ZCCHC14: variants seen among roughly 807,000 people sequenced by gnomAD.
ZCCHC14 encodes zinc finger CCHC-type containing 14, also known as zinc finger CCHC domain-containing protein 14.
Under a neutral mutation model 85.0 loss-of-function variants are expected in ZCCHC14, and 16 were observed. The observed-to-expected ratio is 0.19, with a 90% CI of 0.13 to 0.29. The LOEUF (loss-of-function observed/expected upper bound fraction) is 0.29, where lower values mean the gene tolerates loss of function less well. ZCCHC14 is among the 10% of genes least tolerant of loss of function. The probability of loss-of-function intolerance (pLI) is 1.00; values close to 1 mark genes in which losing one functional copy is unlikely to be tolerated. For missense variants in ZCCHC14, 1,303 were observed against 1,443.5 expected (o/e 0.90, Z 1.58); for synonymous variants, 775 against 630.7 (o/e 1.23, Z -3.43).
chr16:87,455,821 A>C (rs1188183610), intron 2 of ZCCHC14, among the ~76,000 whole-genome samples: 1 of 152,164 alleles, frequency 6.6e-6, no homozygotes, highest in Non-Finnish European at 1.5e-5. Context: ...TTCAGTACAG[A>C]CTCAATAGAT....
rs538092775 is a variant in ZCCHC14 at position 87,443,777 on chromosome 16, C to T, written c.695-10576G>A. Among the ~76,000 whole-genome samples, 8 of 151,780 alleles carry T rather than the reference C, an allele frequency of 5.3e-5. No homozygotes were observed. In the South Asian group the frequency reaches 1.5e-3, roughly 28 times the overall value. On this transcript the variant is annotated intron_variant, in intron 2 of 12. Coordinates refer to ENST00000671377, the MANE Select transcript of ZCCHC14 (RefSeq NM_015144.3). ...AAAAGCCAGGAGCTGCAGCTCATGCCTATAATCCCAGCACTTTGGGAGGCT... is the reference window on the plus strand; with the variant it reads ...AAAAGCCAGGAGCTGCAGCTCATGCTTATAATCCCAGCACTTTGGGAGGCT...
intron 1 of ZCCHC14, among the ~76,000 whole-genome samples, chr16:87,479,601 G>A (rs773722851): frequency 5.9e-5 from 9 of 152,080 alleles, no homozygotes; most frequent in East Asian, 1.9e-4. Flanking sequence ...AATGAGTAAC[G>A]GTTTTTCAAT....
rs768315452 is a variant in ZCCHC14, at chr16:87,412,635, T to A, written c.2086A>T (p.Met696Leu). 3 of 1,614,104 alleles carry A rather than the reference T, an allele frequency of 1.9e-6. No homozygotes were observed. The highest frequency in any genetic ancestry group is 1.1e-5 in the South Asian group (1 of 91,094). ...MKVDKSFGSA[M>L]MDVLPASAPH... is the part of the protein sequence containing the mutation. ...GCGGACGCGGGCAGCACGTCCATCA[T>A]GGCGCTGCCAAAGCTCTTGTCCACT... Residue 696 changes from methionine to leucine, a missense_variant, in exon 12 of 13, where the codon ATG becomes TTG. Physicochemically the swap from Met to Leu is conservative, Grantham distance 15. Around this residue, in one of 7 missense-constraint regions of ZCCHC14, gnomAD observed 797 missense variants for 730.8 expected, o/e 1.09. Transcript: ENST00000671377.
chr16:87,456,703 A>C (rs528791871), intron 2 of ZCCHC14, among the ~76,000 whole-genome samples: 1 of 152,102 alleles, frequency 6.6e-6, no homozygotes, highest in Non-Finnish European at 1.5e-5. Flanking sequence ...GGGGCACACA[A>C]TGGAAAACAT....
intron 1 of ZCCHC14, chr16:87,472,813 T>G (rs1461692163): frequency 1.3e-5 from 2 of 152,194 alleles, no homozygotes; most frequent in East Asian, 3.9e-4. Context: ...CACAGCTCAG[T>G]GCCATCTCCC....
intron 1 of ZCCHC14, chr16:87,470,375 G>A (rs1371492712): frequency 1.3e-5 from 2 of 152,092 alleles, no homozygotes; most frequent in African/African-American, 4.8e-5. Context: ...GCACATGACA[G>A]CTTGAATAAT....
At chr16:87,469,762 G>T (rs1013228330) in intron 1 of ZCCHC14, among the ~76,000 whole-genome samples, 1 of 152,150 alleles carries the variant, frequency 6.6e-6, no homozygotes, top group African/African-American at 2.4e-5. Context: ...TGGGCCTCCC[G>T]GAAGGCAGGG....
chr16:87,411,946 GCA>G lies in ZCCHC14; in HGVS notation c.2773_2774del (p.Cys925HisfsTer107). On this transcript the variant is annotated frameshift_variant, in exon 12 of 13. Transcript: ENST00000671377. LOFTEE classifies it high-confidence loss of function. ...AGCTGCCGCTGCAGCCACAGGACGT[GCA>G]CACAATGCAGCCTGGCGGGGGTGGG... ...PAPPPPGCIVCTSCGCSGSCG... is the reference protein window; with the variant it reads ...PAPPPPGCIVXTSCGCSGSCG... The G allele has an allele frequency of 6.2e-7, 1 of 1,606,508 alleles. No individual in the cohort carries two copies. The highest frequency in any genetic ancestry group is 8.5e-7 in the Non-Finnish European group (1 of 1,177,484).
chr16:87,443,664 G>A (rs916945268), intron 2 of ZCCHC14, among the ~76,000 whole-genome samples: 1 of 152,170 alleles, frequency 6.6e-6, no homozygotes, highest in African/African-American at 2.4e-5. Flanking sequence ...TTGAGCCCAG[G>A]AGTTCAAGGA....
chr16:87,413,261 C>A, intron 10 of ZCCHC14, 66 bp from the exon 11 acceptor site: 2 of 1,453,446 alleles, frequency 1.4e-6, no homozygotes, highest in Admixed American at 5.3e-5. Flanking sequence ...CGCCCCGTGC[C>A]CCTGCATCGC....
chr16:87,477,038 T>C (rs892717408), intron 1 of ZCCHC14, among the ~76,000 whole-genome samples: 4 of 146,968 alleles, frequency 2.7e-5, no homozygotes, highest in African/African-American at 7.6e-5. Context: ...GGCGGGAGAA[T>C]TGCTTGAACC....
At chr16:87,416,963 T>C (rs1908818389) in intron 8 of ZCCHC14, among the ~76,000 whole-genome samples, 1 of 152,214 alleles carries the variant, frequency 6.6e-6, no homozygotes, top group Admixed American at 6.5e-5. Context: ...ATGGGTTTAA[T>C]CTAGTTTTAT....
At chr16:87,486,456 G>C (rs1912515865) in intron 1 of ZCCHC14, among the ~76,000 whole-genome samples, 1 of 152,228 alleles carries the variant, frequency 6.6e-6, no homozygotes, top group South Asian at 2.1e-4. Context: ...CTACAATGTG[G>C]CCCAGAGGTG....
At chr16:87,455,585 A>G (rs1055757843) in intron 2 of ZCCHC14, among the ~76,000 whole-genome samples, 1 of 152,166 alleles carries the variant, frequency 6.6e-6, no homozygotes, top group Non-Finnish European at 1.5e-5. Context: ...TTCTTCAGGG[A>G]AATTGAGAAA....
At chr16:87,466,335 G>C (rs974488531) in intron 1 of ZCCHC14, among the ~76,000 whole-genome samples, 5 of 152,244 alleles carry the variant, frequency 3.3e-5, no homozygotes, top group African/African-American at 1.2e-4. Flanking sequence ...GACGCAGTCA[G>C]ATGGAAGCAC....
At chr16:87,485,981 C>G (rs1457015080) in intron 1 of ZCCHC14, among the ~76,000 whole-genome samples, 1 of 152,182 alleles carries the variant, frequency 6.6e-6, no homozygotes, top group African/African-American at 2.4e-5. Flanking sequence ...TCATCATACC[C>G]AAATATGACA....
At chr16:87,437,235 C>G (rs183476166) in intron 2 of ZCCHC14, among the ~76,000 whole-genome samples, 3 of 147,130 alleles carry the variant, frequency 2.0e-5, no homozygotes, top group African/African-American at 7.6e-5. Flanking sequence ...ACTTGGGAGG[C>G]TGAGGCAGGA....
intron 1 of ZCCHC14, among the ~76,000 whole-genome samples, chr16:87,478,450 A>G (rs540538867): frequency 5.9e-5 from 9 of 152,286 alleles, no homozygotes; most frequent in African/African-American, 2.2e-4. Context: ...CTCACGTATG[A>G]AAGATACTCT....
intron 2 of ZCCHC14, among the ~76,000 whole-genome samples, chr16:87,444,616 C>T (rs1179723105): frequency 6.6e-6 from 1 of 152,152 alleles, no homozygotes; most frequent in African/African-American, 2.4e-5. Flanking sequence ...GTGAGAGCAG[C>T]GTAGCATGTT....
Sources: allele counts gnomAD v4.1 joint callset (sites outside exome capture counted in the v4.1 genomes callset), GRCh38; gene constraint gnomAD v4.1.1; regional missense constraint gnomAD v4.1.1; transcripts MANE v1.5; gene names NCBI Gene and HGNC (gene_info 2026-07-23, HGNC 2026-07-21).